Variants in EIF4G1 observed in about 807,000 individuals in gnomAD.
EIF4G1 encodes the protein eukaryotic translation initiation factor 4 gamma 1, also known as EIF4-gamma.
Under a neutral mutation model 187.8 loss-of-function variants are expected in EIF4G1, and 4 were observed. That is an observed-to-expected ratio of 0.02 (90% confidence interval 0.01 to 0.05). The LOEUF (loss-of-function observed/expected upper bound fraction) is 0.05. Ranked by LOEUF, EIF4G1 falls within the 10% of genes least tolerant of loss-of-function variation. The probability of loss-of-function intolerance (pLI) is 1.00; values close to 1 mark genes in which losing one functional copy is unlikely to be tolerated. For missense variants in EIF4G1, 1,647 were observed against 2,081.1 expected, an observed-to-expected ratio of 0.79 and a Z score of 4.06; for synonymous variants, 844 against 781.4, an observed-to-expected ratio of 1.08 and a Z score of -1.34.
In EIF4G1 at chr3:184,322,847, G is replaced by A. The variant is rs775515280; in HGVS notation, c.1822G>A (p.Glu608Lys). 1.2e-6 allele frequency: 2 copies of A among 1,614,170 alleles called. No homozygotes were observed. Among genetic ancestry groups the A allele is most frequent in the Non-Finnish European group, 8.5e-7 (1 of 1,180,036 alleles). Residue 608 changes from glutamate (E) to lysine (K), a missense_variant, in exon 13 of 33, where the codon GAG becomes AAG. By Grantham distance (56) the Glu-to-Lys change is moderately conservative. Around this residue, in one of 11 missense-constraint regions of EIF4G1, gnomAD observed 140 missense variants for 222.2 expected, o/e 0.63. Transcript: ENST00000346169. ...TCAGTGGAAGCCTCTAAACCTAGAGGAGAAAAAACGTTACGACCGTGAGTT... is the reference window on the plus strand; with the variant it reads ...TCAGTGGAAGCCTCTAAACCTAGAGAAGAAAAAACGTTACGACCGTGAGTT... ...SDQWKPLNLE[E>K]KKRYDREFLL... is the part of the protein sequence containing the mutation.
chr3:184,330,815 C>T (rs907069866), intron 28 of EIF4G1, among the ~76,000 whole-genome samples: 1 of 152,062 alleles, frequency 6.6e-6, no homozygotes, highest in African/African-American at 2.4e-5. Context: ...GATCTCAGCT[C>T]ATTGCAACCC....
intron 21 of EIF4G1, among the ~76,000 whole-genome samples, 165 bp from the exon 22 acceptor site, chr3:184,326,362 C>T (rs753566131): frequency 6.6e-6 from 1 of 152,218 alleles, no homozygotes; most frequent in Non-Finnish European, 1.5e-5. Context: ...TTTCATGCTA[C>T]TGTGGCAGAA....
chr3:184,328,249 T>C (rs1490242724), intron 26 of EIF4G1: 1 of 516,546 alleles, frequency 1.9e-6, no homozygotes, highest in African/African-American at 1.9e-5. Flanking sequence ...ATACAAAAAT[T>C]AGCCAGGCGT....
chr3:184,331,666 G>T (rs1726137582), intron 30 of EIF4G1, 60 bp downstream of exon 30: 1 of 1,613,480 alleles, frequency 6.2e-7, no homozygotes, highest in Middle Eastern at 1.7e-4. Context: ...GGTGGGGGCA[G>T]CAAGAATGAA....
intron 32 of EIF4G1, 62 bp downstream of exon 32, chr3:184,332,148 G>T: frequency 1.2e-6 from 2 of 1,611,350 alleles, no homozygotes; most frequent in South Asian, 2.2e-5. Context: ...CAGGGCATGA[G>T]ACCCTTCATG....
chr3:184,323,365 A>T lies in EIF4G1; in HGVS notation c.2089-43A>T. 6.2e-7 allele frequency: 1 copy of T among 1,613,600 alleles called. No homozygotes were observed. ...AGTAGTGGTGTCACATATTGTGCTG[A>T]CTAGTTCCATGTCCCCTCTTGTCTT... is the stretch of plus-strand genomic sequence containing the variant. On this transcript the variant is annotated intron_variant, in intron 14 of 32. Transcript: ENST00000346169. This position sits in a 1 kb window ranked among gnomAD's most constrained non-coding sequence, Gnocchi z 6.9.
At position 184,331,985 on chromosome 3, in the gene EIF4G1, C is replaced by T. The variant is rs773017694; in HGVS notation, c.4517C>T (p.Ala1506Val). 12 of 1,614,172 alleles carry T rather than the reference C, an allele frequency of 7.4e-6. No homozygotes were observed. Among genetic ancestry groups the T allele is most frequent in the Admixed American group, 5.0e-5 (3 of 60,020 alleles). ...PLRVDVAVLK[A>V]RAKLLQKYLC... ...CGAGTGGACGTTGCAGTGCTGAAAGCGCGAGCGAAGCTGCTGCAGAAATAC... is the reference window on the plus strand; with the variant it reads ...CGAGTGGACGTTGCAGTGCTGAAAGTGCGAGCGAAGCTGCTGCAGAAATAC... The change falls in exon 32 of 33, where the codon GCG becomes GTG. Residue 1506 changes from alanine to valine, a missense_variant. Physicochemically the swap from Ala to Val is moderately conservative, Grantham distance 64. Transcript: ENST00000346169.
chr3:184,316,187 C>G lies in EIF4G1; in HGVS notation c.116C>G (p.Thr39Arg). 3 of 1,614,128 alleles carry G rather than the reference C, an allele frequency of 1.9e-6. No individual in the cohort carries two copies. In the South Asian group the frequency reaches 3.3e-5, roughly 18 times the overall value. ...APVVFSTPQA[T>R]QMNTPSQPRQ... The stretch of plus-strand genomic sequence containing the variant: ...GTGGTGTTCAGTACGCCACAAGCGA[C>G]ACAAATGAACACGCCTTCTCAGCCC... The change falls in exon 4 of 33, where the codon ACA (threonine) becomes AGA (arginine). Residue 39 changes from threonine (T) to arginine (R), a missense_variant. Thr to Arg is a moderately conservative substitution (Grantham distance 71). Around this residue, in one of 11 missense-constraint regions of EIF4G1, gnomAD observed 61 missense variants for 49.5 expected, o/e 1.23. Transcript: ENST00000346169.
intron 1 of EIF4G1, 113 bp from the exon 2 acceptor site, chr3:184,315,376 A>C (rs1454511237): frequency 5.7e-6 from 3 of 523,940 alleles, no homozygotes; most frequent in Non-Finnish European, 7.6e-6. Flanking sequence ...CGGCCGAAGC[A>C]GCTAGCTCCG....
rs530167757 is a variant in EIF4G1 at position 184,321,955 on chromosome 3, G to GGAAGAA, written c.1383_1388dup (p.Glu464_Glu465dup). ...CTTCCCCAGCTCAGGAGGAGGAAAT[G>GGAAGAA]GAAGAAGAAGAAGAAGAGGAAGAAG... is the stretch of plus-strand genomic sequence containing the variant. On this transcript the variant is annotated inframe_insertion, in exon 10 of 33. Coordinates refer to ENST00000346169, the MANE Select transcript of EIF4G1 (RefSeq NM_198241.3). 1.1e-5 allele frequency: 18 copies of GGAAGAA among 1,612,128 alleles called. 1 individual carries two copies. In the South Asian group the frequency reaches 2.0e-4, roughly 18 times the overall value.
At chr3:184,319,330 G>T in intron 6 of EIF4G1, 1 of 335,652 alleles carries the variant, frequency 3.0e-6, no homozygotes, top group Non-Finnish European at 5.8e-6. Flanking sequence ...GATAGCGGGT[G>T]GGGTACACAC....
In EIF4G1 at chr3:184,323,592, A is replaced by G. The variant is rs376603481; in HGVS notation, c.2273A>G (p.Gln758Arg). The change falls in exon 15 of 33, where the codon CAG becomes CGG. Residue 758 changes from glutamine (Q) to arginine (R), a missense_variant and splice_region_variant. Coordinates refer to ENST00000346169, the MANE Select transcript of EIF4G1 (RefSeq NM_198241.3). The surrounding 1 kb of genome is among the most constrained non-coding windows in gnomAD (Gnocchi z 6.9). ...GAAGATGCTGATGGCAGCAAAACCC[A>G]GGTACTGGCAAGTCCTGCTTTTGGT... ...GEEDADGSKT[Q>R]DLFRRVRSIL... 23 of 1,613,936 alleles carry G rather than the reference A, an allele frequency of 1.4e-5. No individual in the cohort carries two copies. Among genetic ancestry groups the G allele is most frequent in the African/African-American group, 4.0e-5 (3 of 74,926 alleles).
At chr3:184,326,716 C>T in intron 22 of EIF4G1, 87 bp downstream of exon 22, 1 of 1,537,326 alleles carries the variant, frequency 6.5e-7, no homozygotes, top group Admixed American at 1.7e-5. Flanking sequence ...GCCTTCAGTA[C>T]AAGGTGGTTA....
intron 4 of EIF4G1, 127 bp from the exon 5 acceptor site, chr3:184,317,194 A>G: frequency 8.9e-7 from 1 of 1,128,872 alleles, no homozygotes; most frequent in Non-Finnish European, 1.3e-6. Context: ...GTGGTCTTGG[A>G]AGGATTGGTC....
intron 6 of EIF4G1, 98 bp from the exon 7 acceptor site, chr3:184,319,591 G>A: frequency 1.2e-6 from 1 of 806,688 alleles, no homozygotes; most frequent in Non-Finnish European, 2.1e-6. Flanking sequence ...CCGGCTGTGG[G>A]TGGTGAGAGG....
In EIF4G1 at chr3:184,327,579, C is replaced by A; in HGVS notation, c.3662-7C>A. On this transcript the variant is annotated splice_polypyrimidine_tract_variant and splice_region_variant and intron_variant, in intron 24 of 32. Transcript: ENST00000346169. ...AAGTCCCTCTAATCTGTGTTCTCTT[C>A]CCACAGTGAAGCGAGAAGCTGCCCT... 2 of 1,613,972 alleles carry A rather than the reference C, an allele frequency of 1.2e-6. No homozygotes were observed. The highest frequency in any genetic ancestry group is 1.7e-6 in the Non-Finnish European group (2 of 1,179,826).
chr3:184,325,515 C>T lies in EIF4G1; in HGVS notation c.2997C>T (p.Pro999=). The T allele has an allele frequency of 1.9e-6, 3 of 1,614,156 alleles. No homozygotes were observed. Among genetic ancestry groups the T allele is most frequent in the Non-Finnish European group, 2.5e-6 (3 of 1,180,042 alleles). ...NWVPRRGDQG[P]KTIDQIHKEA... ...TGCCACGCCGAGGGGATCAGGGTCC[C>T]AAGACCATTGACCAGATCCATAAGG... The change falls in exon 20 of 33, where the codon CCC becomes CCT. Residue 999 remains proline, a synonymous_variant. Transcript: ENST00000346169. This position sits in a 1 kb window ranked among gnomAD's most constrained non-coding sequence, Gnocchi z 5.2.
rs200715706 is a variant in EIF4G1 at position 184,326,911 on chromosome 3, C to T, written c.3356C>T (p.Thr1119Ile). The change falls in exon 23 of 33, where the codon ACT (threonine) becomes ATT (isoleucine). Residue 1119 changes from threonine (T) to isoleucine (I), a missense_variant. This residue lies in a region of EIF4G1 where 543 missense variants were observed against 638.0 expected (regional missense o/e 0.85). Coordinates refer to ENST00000346169, the MANE Select transcript of EIF4G1 (RefSeq NM_198241.3). Reference sequence around the variant, plus strand: ...GAAGCTGCTCGCCCAGCTACTAGTACTTTGAATCGCTTCTCAGCCCTTCAA... The same window carrying T: ...GAAGCTGCTCGCCCAGCTACTAGTATTTTGAATCGCTTCTCAGCCCTTCAA... ...ASEAARPATS[T>I]LNRFSALQQA... is the part of the protein sequence containing the mutation. 166 of 1,614,118 alleles carry T rather than the reference C, an allele frequency of 1.0e-4. No individual in the cohort carries two copies. Among genetic ancestry groups the T allele is most frequent in the Non-Finnish European group, 1.4e-4 (161 of 1,180,056 alleles).
chr3:184,329,416 A>G lies in EIF4G1; in HGVS notation c.4161+426A>G, dbSNP rs569353097. 5.1e-3 allele frequency among the ~76,000 whole-genome samples: 780 copies of G among 152,282 alleles called. 5 individuals carry two copies. Among genetic ancestry groups the G allele is most frequent in the Non-Finnish European group, 7.0e-3 (477 of 68,016 alleles). On this transcript the variant is annotated intron_variant, in intron 28 of 32. Coordinates refer to ENST00000346169, the MANE Select transcript of EIF4G1 (RefSeq NM_198241.3). The stretch of plus-strand genomic sequence containing the variant: ...GAGAGGCCGACGTGGGTGGATCACG[A>G]GGTCAGGAGTTCAAGACCAGCTTGG...
Sources: gnomAD v4.1 joint callset for allele counts (sites outside exome capture counted in the v4.1 genomes callset) on GRCh38, gnomAD v4.1.1 for gene constraint, gnomAD v4.1.1 regional missense constraint, Gnocchi (gnomAD v3.1) non-coding constraint, MANE v1.5 for transcripts, NCBI Gene and HGNC (gene_info 2026-07-23, HGNC 2026-07-21) for gene names.